Variants in HNRNPUL1 observed in about 807,000 individuals in gnomAD.
HNRNPUL1 encodes the protein heterogeneous nuclear ribonucleoprotein U-like protein 1.
In HNRNPUL1, 14 loss-of-function variants were observed where a neutral mutation model predicts 108.5. The ratio of observed to expected loss-of-function variants is 0.13; its 90% CI spans 0.09 to 0.20. HNRNPUL1 has a LOEUF of 0.20. HNRNPUL1 is among the 10% of genes least tolerant of loss of function. HNRNPUL1 has a pLI of 1.00. For synonymous variants in HNRNPUL1, 422 were observed against 445.2 expected (o/e 0.95, Z 0.66); for missense variants, 804 against 1,168.3 (o/e 0.69, Z 4.55).
chr19:41,297,656 C>T (rs2036967860), intron 10 of HNRNPUL1, among the ~76,000 whole-genome samples: 1 of 152,182 alleles, frequency 6.6e-6, no homozygotes, highest in Non-Finnish European at 1.5e-5. Flanking sequence ...GGCCATGTTG[C>T]CCAAGCCCAC....
rs1168058244 is a variant in HNRNPUL1, at chr19:41,272,143, A to G, written c.480A>G (p.Gln160=). The part of the protein sequence containing the change: ...PTSFLPPEAS[Q]LKPDRQQFQS... ...GCTTCCTCCCGCCTGAAGCTTCTCA[A>G]CTCAAGCCAGACAGGCAGCAATTCC... The change falls in exon 3 of 15, where the codon CAA becomes CAG. Residue 160 remains glutamine (Q), a synonymous_variant. Transcript: ENST00000392006. The G allele has an allele frequency of 1.2e-6, 2 of 1,614,086 alleles. No individual in the cohort carries two copies. Among genetic ancestry groups the G allele is most frequent in the East Asian group, 2.2e-5 (1 of 44,882 alleles).
At chr19:41,278,956 C>A (rs1267960212) in intron 5 of HNRNPUL1, 121 bp from the exon 6 acceptor site, 3 of 750,038 alleles carry the variant, frequency 4.0e-6, no homozygotes, top group East Asian at 4.9e-5. Flanking sequence ...TTAAACGCTT[C>A]TTCTCCAGCA....
chr19:41,282,619 A>G (rs867257155), intron 7 of HNRNPUL1, among the ~76,000 whole-genome samples: 1 of 152,148 alleles, frequency 6.6e-6, no homozygotes, highest in African/African-American at 2.4e-5. Context: ...GTACATACAC[A>G]TAGAGAGTTA....
chr19:41,281,771 C>T (rs551498602), intron 7 of HNRNPUL1, among the ~76,000 whole-genome samples: 1 of 152,244 alleles, frequency 6.6e-6, no homozygotes, highest in African/African-American at 2.4e-5. Flanking sequence ...CTGTTGCTGC[C>T]ATACTTCAGT....
At chr19:41,281,070 ATT>A in intron 6 of HNRNPUL1, 91 bp from the exon 7 acceptor site, 1 of 821,156 alleles carries the variant, frequency 1.2e-6, no homozygotes, top group Non-Finnish European at 2.1e-6. Context: ...AAAGAAAATG[ATT>A]TTTTTCTTCA....
chr19:41,291,423 C>G lies in HNRNPUL1; in HGVS notation c.1000-822C>G, dbSNP rs77141213. On this transcript the variant is annotated intron_variant, in intron 7 of 14. Transcript: ENST00000392006. ...TTCGAAAAGGCCCTGCGGTGGCTTT[C>G]CTTCATCTGTTATATTCATAGACTG... 4.4e-3 allele frequency among the ~76,000 whole-genome samples: 668 copies of G among 152,254 alleles called. 3 individuals are homozygous for G. The highest frequency in any genetic ancestry group is 0.015 in the African/African-American group (629 of 41,562).
At chr19:41,265,000 C>T (rs1252910047) in intron 1 of HNRNPUL1, 3 of 1,265,858 alleles carry the variant, frequency 2.4e-6, no homozygotes, top group South Asian at 3.3e-5. Flanking sequence ...AGGGGGGACA[C>T]TGGGGGAGGG....
intron 5 of HNRNPUL1, among the ~76,000 whole-genome samples, chr19:41,277,453 C>T (rs1360705535): frequency 1.3e-5 from 2 of 152,220 alleles, no homozygotes; most frequent in Non-Finnish European, 2.9e-5. Context: ...ATGTACCTCT[C>T]ATAGAGAAAC....
Position 41,292,354 on chromosome 19 carries a change from CT to C in HNRNPUL1, c.1110del (p.His371MetfsTer4). The C allele has an allele frequency of 6.2e-7, 1 of 1,614,216 alleles. No individual in the cohort carries two copies. The highest frequency in any genetic ancestry group is 8.5e-7 in the Non-Finnish European group (1 of 1,180,048). ...GCCTTGGGGGGTCAGGCCCTCTATC[CT>C]CATGTCCTGGTGAAGAATTGCGCAG... ...KEALGGQALYPHVLVKNCAVE... is the reference protein window; with the variant it reads ...KEALGGQALYXHVLVKNCAVE... On this transcript the variant is annotated frameshift_variant, in exon 8 of 15. Coordinates refer to ENST00000392006, the MANE Select transcript of HNRNPUL1 (RefSeq NM_007040.6). LOFTEE classifies it high-confidence loss of function. The surrounding 1 kb of genome is among the most constrained non-coding windows in gnomAD (Gnocchi z 4.1).
At chr19:41,286,028 C>T (rs2036202213) in intron 7 of HNRNPUL1, among the ~76,000 whole-genome samples, 1 of 152,008 alleles carries the variant, frequency 6.6e-6, no homozygotes, top group Non-Finnish European at 1.5e-5. Context: ...TAAAAATTAG[C>T]TGGGCCTGGT....
At chr19:41,287,671 A>G (rs2036316370) in intron 7 of HNRNPUL1, among the ~76,000 whole-genome samples, 1 of 151,762 alleles carries the variant, frequency 6.6e-6, no homozygotes, top group Admixed American at 6.6e-5. Flanking sequence ...ACGATTCTCC[A>G]GCCTCAGCCG....
chr19:41,264,587 G>C lies in HNRNPUL1; in HGVS notation c.84G>C (p.Glu28Asp), dbSNP rs1186379277. ...TGGACACTCGAGGCCTCAAGGCCGA[G>C]CTTGCTGAGCGGCTGCAGGCGGCGT... is the stretch of plus-strand genomic sequence containing the variant. ...RGLDTRGLKA[E>D]LAERLQAALE... is the part of the protein sequence containing the mutation. Residue 28 changes from glutamate to aspartate, a missense_variant, in exon 1 of 15, where the codon GAG (glutamate) becomes GAC (aspartate). By Grantham distance (45) the Glu-to-Asp change is conservative. This residue lies in a region of HNRNPUL1 where 256 missense variants were observed against 261.6 expected (regional missense o/e 0.98). Coordinates refer to ENST00000392006, the MANE Select transcript of HNRNPUL1 (RefSeq NM_007040.6). The C allele has an allele frequency of 1.3e-6, 2 of 1,573,360 alleles. No individual in the cohort carries two copies. The highest frequency in any genetic ancestry group is 1.1e-5 in the South Asian group (1 of 87,552).
chr19:41,274,109 T>A, intron 4 of HNRNPUL1, 54 bp downstream of exon 4: 1 of 1,475,672 alleles, frequency 6.8e-7, no homozygotes, highest in Non-Finnish European at 9.5e-7. Context: ...ATGGGGAAAT[T>A]GTGGTCTTGA....
At chr19:41,298,562 C>A (rs935603963) in intron 10 of HNRNPUL1, 1 of 152,228 alleles carries the variant, frequency 6.6e-6, no homozygotes, top group African/African-American at 2.4e-5. Context: ...ATTTGCATTT[C>A]TGCTGGTGTG....
chr19:41,273,931 T>C, intron 3 of HNRNPUL1, 51 bp from the exon 4 acceptor site: 1 of 1,406,952 alleles, frequency 7.1e-7, no homozygotes, highest in East Asian at 2.3e-5. Context: ...TTTTCTTTCC[T>C]TTGTGCTCAT....
chr19:41,287,601 C>G (rs2036311173), intron 7 of HNRNPUL1, among the ~76,000 whole-genome samples: 1 of 152,046 alleles, frequency 6.6e-6, no homozygotes. Flanking sequence ...GCTCTGTCAC[C>G]CAATCTGGAG....
chr19:41,292,001 A>C lies in HNRNPUL1; in HGVS notation c.1000-244A>C. On this transcript the variant is annotated intron_variant, in intron 7 of 14. Transcript: ENST00000392006. This position sits in a 1 kb window ranked among gnomAD's most constrained non-coding sequence, Gnocchi z 4.1. ...TCTCAAAAAAAAAAAAAACAAAAAAAAAAAACTCTTGCTTACTTGCTTCAT... is the reference window on the plus strand; with the variant it reads ...TCTCAAAAAAAAAAAAAACAAAAAACAAAAACTCTTGCTTACTTGCTTCAT... 1 of 522,138 alleles carries C rather than the reference A, an allele frequency of 1.9e-6. No individual in the cohort carries two copies. Among genetic ancestry groups the C allele is most frequent in the Non-Finnish European group, 3.4e-6 (1 of 292,654 alleles). The allele number at this position is 522,138 out of a possible 1,614,324, so 32.3% of individuals were successfully genotyped here.
At chr19:41,265,260 A>C (rs1318038627) in intron 1 of HNRNPUL1, 1 of 1,400,544 alleles carries the variant, frequency 7.1e-7, no homozygotes, top group African/African-American at 1.5e-5. Context: ...AGGAATGTCC[A>C]GGTGTGCGGG....
At position 41,294,913 on chromosome 19, in the gene HNRNPUL1, A is replaced by G. The variant is rs2036797968; in HGVS notation, c.1518+227A>G. On this transcript the variant is annotated intron_variant, in intron 10 of 14. Coordinates refer to ENST00000392006, the MANE Select transcript of HNRNPUL1 (RefSeq NM_007040.6). The surrounding 1 kb of genome is among the most constrained non-coding windows in gnomAD (Gnocchi z 4.3). ...TTACTCAGACTCATCAGCAGCCCCA[A>G]AGAACATCAGGTAAGAACTGTTTAG... Among the ~76,000 whole-genome samples the G allele has an allele frequency of 6.6e-6, 1 of 152,216 alleles. No homozygotes were observed. Among genetic ancestry groups the G allele is most frequent in the Non-Finnish European group, 1.5e-5 (1 of 68,028 alleles).
Sources: gnomAD v4.1 joint callset for allele counts (sites outside exome capture counted in the v4.1 genomes callset) on GRCh38, gnomAD v4.1.1 for gene constraint, gnomAD v4.1.1 regional missense constraint, Gnocchi (gnomAD v3.1) non-coding constraint, MANE v1.5 for transcripts, NCBI Gene and HGNC (gene_info 2026-07-23, HGNC 2026-07-21) for gene names.